Variants in LEF1 observed in about 807,000 individuals in gnomAD.
LEF1 encodes lymphoid enhancer-binding factor 1.
LEF1 carries 14 observed loss-of-function variants against 51.2 expected under a neutral mutation model. That is an observed-to-expected ratio of 0.27 (90% confidence interval 0.18 to 0.43). The LOEUF is 0.43. LEF1 is among the 20% of genes least tolerant of loss of function. The pLI, the probability that LEF1 is intolerant of heterozygous loss-of-function variation, is 1.00. For synonymous variants in LEF1, 185 were observed against 183.2 expected (o/e 1.01, Z -0.08); for missense variants, 386 against 512.0 (o/e 0.75, Z 2.37).
intron 2 of LEF1, 83 bp downstream of exon 2, chr4:108,165,014 C>T: frequency 7.8e-7 from 1 of 1,278,042 alleles, no homozygotes; most frequent in Admixed American, 1.7e-5. Flanking sequence ...GTTTCTTGAA[C>T]TCAAAAGTAA....
intron 11 of LEF1, among the ~76,000 whole-genome samples, chr4:108,054,584 G>A (rs1260234835): frequency 1.3e-5 from 2 of 152,204 alleles, no homozygotes; most frequent in Non-Finnish European, 2.9e-5. Context: ...TACAGGTTGG[G>A]ACCATTTCTG....
At chr4:108,065,942 G>C (rs1466845296) in intron 9 of LEF1, among the ~76,000 whole-genome samples, 1 of 152,076 alleles carries the variant, frequency 6.6e-6, no homozygotes, top group Non-Finnish European at 1.5e-5. Flanking sequence ...AGTCTTTGTT[G>C]CCCAGGCTGG....
chr4:108,061,754 C>A (rs1737708196), intron 11 of LEF1, among the ~76,000 whole-genome samples: 1 of 152,034 alleles, frequency 6.6e-6, no homozygotes, highest in Admixed American at 6.6e-5. Flanking sequence ...ATCTGTGCTT[C>A]TAATAATGGA....
intron 3 of LEF1, among the ~76,000 whole-genome samples, chr4:108,146,439 A>G (rs1744004889): frequency 6.6e-6 from 1 of 152,246 alleles, no homozygotes; most frequent in Non-Finnish European, 1.5e-5. Context: ...TTATTAACAT[A>G]TGAGATGTCC....
intron 4 of LEF1, among the ~76,000 whole-genome samples, chr4:108,087,788 A>G (rs953248777): frequency 3.9e-5 from 6 of 152,036 alleles, no homozygotes; most frequent in African/African-American, 1.4e-4. Context: ...TCAGTGGCCT[A>G]CCTCCTGTCT....
At chr4:108,124,456 G>A (rs901092075) in intron 3 of LEF1, among the ~76,000 whole-genome samples, 20 of 151,306 alleles carry the variant, frequency 1.3e-4, no homozygotes, top group African/African-American at 3.4e-4. Context: ...TGCAACCTCC[G>A]CCTCCTGAGT....
At chr4:108,098,858 T>C (rs1384028874) in intron 3 of LEF1, among the ~76,000 whole-genome samples, 3 of 152,308 alleles carry the variant, frequency 2.0e-5, no homozygotes, top group African/African-American at 7.2e-5. Context: ...GTATGAATAA[T>C]TGAGAGGTAA....
intron 11 of LEF1, among the ~76,000 whole-genome samples, chr4:108,060,630 G>C (rs1048116455): frequency 6.6e-6 from 1 of 152,030 alleles, no homozygotes; most frequent in African/African-American, 2.4e-5. Context: ...CTGTAATAAC[G>C]GTGGTTATTT....
chr4:108,077,175 C>A (rs949261104), intron 8 of LEF1, among the ~76,000 whole-genome samples: 3 of 149,900 alleles, frequency 2.0e-5, no homozygotes, highest in Non-Finnish European at 3.0e-5. Flanking sequence ...CACATCTCTA[C>A]AAAATTTTTT....
At chr4:108,114,596 C>T (rs1741722521) in intron 3 of LEF1, among the ~76,000 whole-genome samples, 1 of 152,090 alleles carries the variant, frequency 6.6e-6, no homozygotes, top group African/African-American at 2.4e-5. Context: ...TAGATGTGGA[C>T]GTTTAAGTGT....
rs1553952202 is a variant in LEF1, at chr4:108,092,939, A to AAAAAAAAAAAAAAAAC, written c.415-3683_415-3682insGTTTTTTTTTTTTTTT. ...ATGTAAAAAAAAAAAAAAAAAAAAAAAAAAAAAAAAGACAAGCAAAATCTG... is the reference window on the plus strand; with the variant it reads ...ATGTAAAAAAAAAAAAAAAAAAAAAAAAAAAAAAAAAAAAACAAAAAAAAAAGACAAGCAAAATCTG... On this transcript the variant is annotated intron_variant, in intron 3 of 11. Transcript: ENST00000265165. Among the ~76,000 whole-genome samples, 227 of 90,702 alleles carry AAAAAAAAAAAAAAAAC rather than the reference A, an allele frequency of 2.5e-3. 4 individuals carry two copies. The highest frequency in any genetic ancestry group is 2.9e-3 in the Non-Finnish European group (129 of 44,952). 59.5% of individuals were successfully genotyped at this position (90,702 alleles called of 152,430 possible).
At chr4:108,166,231 C>A (rs1202670394) in intron 1 of LEF1, 1 of 1,533,316 alleles carries the variant, frequency 6.5e-7, no homozygotes, top group South Asian at 1.2e-5. Flanking sequence ...CCATTCTGTT[C>A]TCTGAACGCA....
At chr4:108,061,010 G>C (rs1195948663) in intron 11 of LEF1, among the ~76,000 whole-genome samples, 1 of 152,158 alleles carries the variant, frequency 6.6e-6, no homozygotes, top group Non-Finnish European at 1.5e-5. Flanking sequence ...CTTTATGAAG[G>C]TGGATCTGAG....
At chr4:108,070,552 C>CA (rs1242136290) in intron 9 of LEF1, 111 bp downstream of exon 9, 6 of 611,008 alleles carry the variant, frequency 9.8e-6, no homozygotes, top group Non-Finnish European at 1.4e-5. Context: ...CATTAACTTC[C>CA]AAAAAATAAG....
chr4:108,155,097 T>C (rs1369612102), intron 3 of LEF1, among the ~76,000 whole-genome samples: 1 of 152,094 alleles, frequency 6.6e-6, no homozygotes, highest in African/African-American at 2.4e-5. Flanking sequence ...CCTTTCTCTA[T>C]AATTTTTGCA....
chr4:108,121,110 T>C (rs1052303988), intron 3 of LEF1, among the ~76,000 whole-genome samples: 1 of 152,230 alleles, frequency 6.6e-6, no homozygotes, highest in Non-Finnish European at 1.5e-5. Flanking sequence ...AAAAGACACA[T>C]GTGCTTAAGG....
At chr4:108,097,896 C>T (rs1210698382) in intron 3 of LEF1, among the ~76,000 whole-genome samples, 1 of 152,070 alleles carries the variant, frequency 6.6e-6, no homozygotes, top group African/African-American at 2.4e-5. Context: ...GTAAACAAAT[C>T]AATTAAAGTG....
At chr4:108,154,863 C>T (rs575765641) in intron 3 of LEF1, among the ~76,000 whole-genome samples, 111 of 152,186 alleles carry the variant, frequency 7.3e-4, no homozygotes, top group Non-Finnish European at 1.5e-3. Context: ...ATTTAACATT[C>T]ATGGGATTTT....
At chr4:108,149,085 T>C (rs1236709845) in intron 3 of LEF1, among the ~76,000 whole-genome samples, 1 of 152,212 alleles carries the variant, frequency 6.6e-6, no homozygotes, top group African/African-American at 2.4e-5. Context: ...ATTTCATGAA[T>C]AGTTTGTCAA....
Sources: allele counts gnomAD v4.1 joint callset (sites outside exome capture counted in the v4.1 genomes callset), GRCh38; gene constraint gnomAD v4.1.1; transcripts MANE v1.5; gene names NCBI Gene and HGNC (gene_info 2026-07-23, HGNC 2026-07-21).